Variants in AMOT observed in about 807,000 individuals in gnomAD.
AMOT encodes the protein angiomotin.
In AMOT, 11 loss-of-function variants were observed where a neutral mutation model predicts 67.0. The ratio of observed to expected loss-of-function variants is 0.16; its 90% CI spans 0.10 to 0.27. AMOT has a LOEUF of 0.27. Among genes scored for constraint, AMOT ranks in the 10% least tolerant of loss-of-function variants. The probability of loss-of-function intolerance (pLI) is 1.00; values close to 1 mark genes in which losing one functional copy is unlikely to be tolerated. For synonymous variants in AMOT, 326 were observed against 321.4 expected, an observed-to-expected ratio of 1.01 and a Z score of -0.15; for missense variants, 753 against 852.0, an observed-to-expected ratio of 0.88 and a Z score of 1.45.
intron 12 of AMOT, chrX:112,780,441 C>T (rs1044411175): frequency 6.1e-4 from 87 of 142,402 alleles, no homozygotes; most frequent in African/African-American, 2.5e-3. Context: ...ACAAAACCTG[C>T]TACCCAAACG....
intron 8 of AMOT, among the ~76,000 whole-genome samples, chrX:112,792,713 G>T (rs1933654413): frequency 9.0e-6 from 1 of 111,713 alleles, no homozygotes; most frequent in Admixed American, 9.5e-5. Flanking sequence ...CTGAATTGGA[G>T]ACCCTGGGCT....
At chrX:112,804,260 T>C (rs915618620) in intron 8 of AMOT, among the ~76,000 whole-genome samples, 2 of 111,707 alleles carry the variant, frequency 1.8e-5, no homozygotes, top group Non-Finnish European at 3.8e-5. Context: ...AAGTAGCCAC[T>C]GAGAACCACA....
rs1408655287 is a variant in AMOT at position 112,823,091 on chromosome X, G to C, written c.36C>G (p.Thr12=). 1.7e-6 allele frequency: 2 copies of C among 1,164,410 alleles called. No individual in the cohort carries two copies. Among genetic ancestry groups the C allele is most frequent in the Admixed American group, 5.2e-5 (2 of 38,566 alleles). ...CTTGTAGCAAACGCTGCAATACCGTGGTCCCTCCACTTGGCTGTTCTTCAG... is the reference window on the plus strand; with the variant it reads ...CTTGTAGCAAACGCTGCAATACCGTCGTCCCTCCACTTGGCTGTTCTTCAG... ...RNSEEQPSGG[T]TVLQRLLQEQ... The change falls in exon 4 of 14, where the codon ACC becomes ACG. Residue 12 remains threonine, a synonymous_variant. Transcript: ENST00000371959.
chrX:112,782,460 T>C (rs1045427126), intron 11 of AMOT, 80 bp downstream of exon 11: 3 of 1,179,227 alleles, frequency 2.5e-6, no homozygotes, highest in Admixed American at 2.2e-5. Flanking sequence ...CATGATCAGA[T>C]TTCCTAGCTG....
intron 2 of AMOT, among the ~76,000 whole-genome samples, chrX:112,829,246 T>C (rs1934923360): frequency 9.0e-6 from 1 of 111,651 alleles, no homozygotes; most frequent in Non-Finnish European, 1.9e-5. Context: ...TTGTGAGGTT[T>C]GGTGGGAGGT....
Position 112,778,677 on chromosome X carries a change from A to G in AMOT, c.3158-13T>C, listed in dbSNP as rs770906107. The G allele has an allele frequency of 3.4e-6, 4 of 1,164,139 alleles. No individual in the cohort carries two copies. The highest frequency in any genetic ancestry group is 1.9e-5 in the South Asian group (1 of 52,084). On this transcript the variant is annotated splice_polypyrimidine_tract_variant and intron_variant, in intron 13 of 13. Coordinates refer to ENST00000371959, the MANE Select transcript of AMOT (RefSeq NM_001113490.2). ...AACACAGGCCCATCTAAATGGAAAT[A>G]AGGGTTAGAAAACACTTAGGGATGA...
At chrX:112,830,008 A>C (rs1934947767) in intron 2 of AMOT, among the ~76,000 whole-genome samples, 1 of 111,978 alleles carries the variant, frequency 8.9e-6, no homozygotes. Flanking sequence ...TATACCTAGA[A>C]GCTGCCTGCT....
chrX:112,798,729 A>G (rs1173653668), intron 8 of AMOT, among the ~76,000 whole-genome samples: 3 of 112,598 alleles, frequency 2.7e-5, no homozygotes, highest in Non-Finnish European at 5.6e-5. Flanking sequence ...ATTTCATATC[A>G]TTCCTATTCA....
Position 112,780,992 on chromosome X carries a change from C to T in AMOT, c.2367G>A (p.Met789Ile), listed in dbSNP as rs748093114. 256 of 1,210,403 alleles carry T rather than the reference C, an allele frequency of 2.1e-4. No individual in the cohort carries two copies. The highest frequency in any genetic ancestry group is 2.6e-4 in the Non-Finnish European group (235 of 895,355). Residue 789 changes from methionine to isoleucine, a missense_variant, in exon 12 of 14, where the codon ATG (methionine) becomes ATA (isoleucine). This residue lies in a region of AMOT where 269 missense variants were observed against 300.9 expected (regional missense o/e 0.89). Coordinates refer to ENST00000371959, the MANE Select transcript of AMOT (RefSeq NM_001113490.2). Reference sequence around the variant, plus strand: ...AGCCTGATCCAGCATTGGAAATGGACATCAGAGACTTCGCTGGCCGCATGC... The same window carrying T: ...AGCCTGATCCAGCATTGGAAATGGATATCAGAGACTTCGCTGGCCGCATGC... ...LSCMRPAKSLMSISNAGSGLL... is the reference protein window; with the variant it reads ...LSCMRPAKSLISISNAGSGLL...
chrX:112,801,318 T>C lies in AMOT; in HGVS notation c.1776+3629A>G, dbSNP rs965706043. 7.2e-5 allele frequency among the ~76,000 whole-genome samples: 8 copies of C among 111,016 alleles called. No individual in the cohort carries two copies. The East Asian group carries it at 1.7e-3, about 24-fold the overall frequency. Reference sequence around the variant, plus strand: ...GGAGTTTAATGAGCCTCCACTTCAATAGGACCTACGTGTCCCGAAAGAAAG... The same window carrying C: ...GGAGTTTAATGAGCCTCCACTTCAACAGGACCTACGTGTCCCGAAAGAAAG... On this transcript the variant is annotated intron_variant, in intron 8 of 13. Coordinates refer to ENST00000371959, the MANE Select transcript of AMOT (RefSeq NM_001113490.2).
intron 8 of AMOT, among the ~76,000 whole-genome samples, chrX:112,792,958 G>A (rs1933664865): frequency 9.6e-6 from 1 of 104,249 alleles, no homozygotes; most frequent in Non-Finnish European, 1.9e-5. Flanking sequence ...AGATCTCAGA[G>A]CTCTTTAAAG....
chrX:112,778,915 C>T, intron 13 of AMOT, 82 bp downstream of exon 13: 1 of 1,000,936 alleles, frequency 1.0e-6, no homozygotes, highest in South Asian at 2.2e-5. Context: ...GATAACTCTG[C>T]CCAGACATCA....
chrX:112,798,134 C>T (rs1255029573), intron 8 of AMOT, among the ~76,000 whole-genome samples: 1 of 111,921 alleles, frequency 8.9e-6, no homozygotes, highest in Non-Finnish European at 1.9e-5. Flanking sequence ...TTAAAAATGC[C>T]TTATCAATCT....
intron 3 of AMOT, among the ~76,000 whole-genome samples, chrX:112,824,516 C>T (rs1934793564): frequency 9.0e-6 from 1 of 111,100 alleles, no homozygotes; most frequent in Non-Finnish European, 1.9e-5. Context: ...AGAGAGTGAC[C>T]CAGAATGTAC....
Position 112,822,289 on chromosome X carries a change from T to C in AMOT, c.838A>G (p.Arg280Gly). 9.0e-7 allele frequency: 1 copy of C among 1,114,625 alleles called. No homozygotes were observed. Among genetic ancestry groups the C allele is most frequent in the African/African-American group, 1.8e-5 (1 of 54,657 alleles). The allele number at this position is 1,114,625 out of a possible 1,213,427, so 91.9% of individuals were successfully genotyped here. The change falls in exon 4 of 14, where the codon AGG (arginine) becomes GGG (glycine). Residue 280 changes from arginine (R) to glycine (G), a missense_variant. Physicochemically the swap from Arg to Gly is moderately radical, Grantham distance 125. This residue lies in a region of AMOT where 297 missense variants were observed against 284.3 expected (regional missense o/e 1.04). Coordinates refer to ENST00000371959, the MANE Select transcript of AMOT (RefSeq NM_001113490.2). ...QPGRTEGQLM[R>G]YQHPPEYGAA... ...CCATACTCAGGGGGATGCTGATACCTCATCAGTTGCCCCTCTGTTCTCCCT... is the reference window on the plus strand; with the variant it reads ...CCATACTCAGGGGGATGCTGATACCCCATCAGTTGCCCCTCTGTTCTCCCT...
chrX:112,782,200 C>A (rs1025582447), intron 11 of AMOT, among the ~76,000 whole-genome samples: 29 of 112,013 alleles, frequency 2.6e-4, no homozygotes, highest in Non-Finnish European at 4.7e-4. Context: ...AGCAGATGTT[C>A]TTTTACTCTT....
At chrX:112,833,200 T>C (rs1042159491) in intron 1 of AMOT, among the ~76,000 whole-genome samples, 2 of 111,735 alleles carry the variant, frequency 1.8e-5, no homozygotes, top group African/African-American at 6.5e-5. Context: ...AACTGGCCCA[T>C]ATTTTACATT....
chrX:112,796,289 A>AG (rs886912140), intron 8 of AMOT, among the ~76,000 whole-genome samples: 1 of 112,271 alleles, frequency 8.9e-6, no homozygotes, highest in African/African-American at 3.2e-5. Flanking sequence ...ATAAGACCCT[A>AG]GATGATTTAT....
rs955663011 is a variant in AMOT, at chrX:112,814,498, T to C, written c.1392+860A>G. Among the ~76,000 whole-genome samples, 14 of 108,445 alleles carry C rather than the reference T, an allele frequency of 1.3e-4. 1 individual carries two copies. Among genetic ancestry groups the C allele is most frequent in the African/African-American group, 4.7e-4 (14 of 29,699 alleles). The allele number at this position is 108,445 out of a possible 115,157, so 94.2% of individuals were successfully genotyped here. A position where few individuals can be genotyped will look rare whatever the true frequency, so the allele number is the denominator to read the frequency against. On this transcript the variant is annotated intron_variant, in intron 5 of 13. Transcript: ENST00000371959. ...TCACCTCTCTGAACAGTTCACATTGTAGGGAGACCAAACCACAATAGCTCC... is the reference window on the plus strand; with the variant it reads ...TCACCTCTCTGAACAGTTCACATTGCAGGGAGACCAAACCACAATAGCTCC...
Sources: allele counts gnomAD v4.1 joint callset (sites outside exome capture counted in the v4.1 genomes callset), GRCh38; gene constraint gnomAD v4.1.1; regional missense constraint gnomAD v4.1.1; transcripts MANE v1.5; gene names NCBI Gene and HGNC (gene_info 2026-07-23, HGNC 2026-07-21).